DIAPH1: variants seen among roughly 807,000 people sequenced by gnomAD.
DIAPH1 encodes diaphanous related formin 1, also known as protein diaphanous homolog 1.
A neutral mutation model predicts 140.7 loss-of-function variants in DIAPH1; 46 were observed. That is an observed-to-expected ratio of 0.33 (90% CI 0.26 to 0.42). The LOEUF (loss-of-function observed/expected upper bound fraction) is 0.42, where lower values mean the gene tolerates loss of function less well. DIAPH1 is among the 10% of genes least tolerant of loss of function. The pLI is 1.00. For synonymous variants in DIAPH1, 565 were observed against 551.6 expected (o/e 1.02, Z -0.34); for missense variants, 1,310 against 1,558.7 (o/e 0.84, Z 2.69).
intron 18 of DIAPH1, among the ~76,000 whole-genome samples, chr5:141,553,986 GAAT>G (rs1353624415): frequency 4.6e-5 from 7 of 151,966 alleles, no homozygotes; most frequent in African/African-American, 1.5e-4. Flanking sequence ...GCATTAAGAG[GAAT>G]AATATCAGGC....
intron 4 of DIAPH1, 108 bp from the exon 5 acceptor site, chr5:141,583,723 C>G (rs1215235956): frequency 2.0e-6 from 3 of 1,482,416 alleles, no homozygotes; most frequent in East Asian, 4.6e-5. Context: ...TTATTTTTAG[C>G]AGAGACAAGG....
chr5:141,583,084 G>T, intron 6 of DIAPH1, 122 bp downstream of exon 6: 2 of 873,914 alleles, frequency 2.3e-6, no homozygotes, highest in Non-Finnish European at 3.9e-6. Context: ...CCCCTTCTTG[G>T]CTAACAGTAC....
At chr5:141,553,715 G>A (rs1482558305) in intron 18 of DIAPH1, among the ~76,000 whole-genome samples, 1 of 151,388 alleles carries the variant, frequency 6.6e-6, no homozygotes, top group Non-Finnish European at 1.5e-5. Context: ...AACTAAAGAG[G>A]TAAGTACCTA....
At chr5:141,528,122 T>C (rs2099887671) in intron 23 of DIAPH1, among the ~76,000 whole-genome samples, 1 of 152,194 alleles carries the variant, frequency 6.6e-6, no homozygotes, top group South Asian at 2.1e-4. Flanking sequence ...TTTGTCTAGT[T>C]CCAGGACAGT....
intron 1 of DIAPH1, among the ~76,000 whole-genome samples, chr5:141,599,533 C>T (rs2154597051): frequency 6.6e-6 from 1 of 152,298 alleles, no homozygotes; most frequent in African/African-American, 2.4e-5. Flanking sequence ...TCACTGCAAC[C>T]TCCACCTCCT....
intron 18 of DIAPH1, among the ~76,000 whole-genome samples, chr5:141,536,466 C>A (rs940255670): frequency 1.3e-5 from 2 of 152,180 alleles, no homozygotes; most frequent in Non-Finnish European, 2.9e-5. Context: ...GAGAAAGATT[C>A]TTGCCTTCAT....
chr5:141,586,923 C>A lies in DIAPH1; in HGVS notation c.300+119G>T, dbSNP rs1199051237. The A allele has an allele frequency of 8.5e-6, 9 of 1,059,234 alleles. No individual in the cohort carries two copies. The East Asian group carries it at 2.1e-4, about 25-fold the overall frequency. The allele number at this position is 1,059,234 out of a possible 1,614,324, so 65.6% of individuals were successfully genotyped here. A position where few individuals can be genotyped will look rare whatever the true frequency, so the allele number is the denominator to read the frequency against. On this transcript the variant is annotated intron_variant, in intron 3 of 27. Transcript: ENST00000389054. Reference sequence around the variant, plus strand: ...ATTAAAGGGTTAATATTAAAAAGTTCCATGTTAAGCCTGGAATTCTTTGTA... The same window carrying A: ...ATTAAAGGGTTAATATTAAAAAGTTACATGTTAAGCCTGGAATTCTTTGTA...
intron 1 of DIAPH1, among the ~76,000 whole-genome samples, chr5:141,599,847 G>C (rs2099899877): frequency 6.6e-6 from 1 of 152,120 alleles, no homozygotes. Flanking sequence ...CCTGTGATTA[G>C]ATTACATTTT....
At position 141,582,393 on chromosome 5, in the gene DIAPH1, A is replaced by G. The variant is rs372227402; in HGVS notation, c.621-18T>C. On this transcript the variant is annotated intron_variant, in intron 6 of 27. Coordinates refer to ENST00000389054, the MANE Select transcript of DIAPH1 (RefSeq NM_005219.5). ...CGTAACTCCTGTATATAGAAGACAT[A>G]ATCAGTGAGGTCCCTTTATTCTCTA... The G allele has an allele frequency of 1.9e-6, 3 of 1,586,482 alleles. No homozygotes were observed. Among genetic ancestry groups the G allele is most frequent in the Non-Finnish European group, 2.6e-6 (3 of 1,154,820 alleles).
chr5:141,518,831 G>C (rs1562276534), intron 27 of DIAPH1: 5 of 1,062,398 alleles, frequency 4.7e-6, no homozygotes. Context: ...CAAAGCCCAA[G>C]TCTTAACCAG....
intron 1 of DIAPH1, among the ~76,000 whole-genome samples, chr5:141,589,997 C>T (rs1596395211): frequency 1.3e-5 from 2 of 151,872 alleles, no homozygotes; most frequent in African/African-American, 4.8e-5. Flanking sequence ...GTGATCTGCC[C>T]GCCTCCGCCT....
chr5:141,554,970 C>G (rs2099892333), intron 18 of DIAPH1, among the ~76,000 whole-genome samples: 1 of 151,904 alleles, frequency 6.6e-6, no homozygotes, highest in Admixed American at 6.6e-5. Context: ...GGTGGAGGTT[C>G]AGTTGTAACT....
At chr5:141,606,941 A>G (rs1266845530) in intron 1 of DIAPH1, among the ~76,000 whole-genome samples, 3 of 151,668 alleles carry the variant, frequency 2.0e-5, no homozygotes, top group East Asian at 1.9e-4. Context: ...CTTGAAAATA[A>G]TCAAGATTCC....
rs566944542 is a variant in DIAPH1 at position 141,518,956 on chromosome 5, C to G, written c.3662-1948G>C. ...GCACACAGGTTACCAATTTAAAGGTCTCCTCCTCCTCCTCTACTTCCCAGG... is the reference window on the plus strand; with the variant it reads ...GCACACAGGTTACCAATTTAAAGGTGTCCTCCTCCTCCTCTACTTCCCAGG... On this transcript the variant is annotated intron_variant, in intron 27 of 27. Transcript: ENST00000389054. 5 of 1,519,394 alleles carry G rather than the reference C, an allele frequency of 3.3e-6. No homozygotes were observed. The South Asian group carries it at 6.0e-5, about 18-fold the overall frequency. 94.1% of individuals were successfully genotyped at this position (1,519,394 alleles called of 1,614,324 possible).
intron 1 of DIAPH1, among the ~76,000 whole-genome samples, chr5:141,602,273 G>C (rs1303349667): frequency 3.9e-5 from 6 of 152,102 alleles, no homozygotes; most frequent in Non-Finnish European, 1.5e-5. Context: ...CTGGAGTGCA[G>C]TGGCGCAATC....
chr5:141,528,740 C>T lies in DIAPH1; in HGVS notation c.2980G>A (p.Ala994Thr). 6.2e-7 allele frequency: 1 copy of T among 1,614,252 alleles called. No homozygotes were observed. The highest frequency in any genetic ancestry group is 8.5e-7 in the Non-Finnish European group (1 of 1,180,050). ...GNYMNAGSRN[A>T]GAFGFNISFL... ...CTGATATTGAAGCCAAAAGCACCAGCATTTCTGGAGCCAGCATTCATGTAA... is the reference window on the plus strand; with the variant it reads ...CTGATATTGAAGCCAAAAGCACCAGTATTTCTGGAGCCAGCATTCATGTAA... Residue 994 changes from alanine (A) to threonine (T), a missense_variant, in exon 22 of 28, where the codon GCT (alanine) becomes ACT (threonine). By Grantham distance (58) the Ala-to-Thr change is moderately conservative (BLOSUM62 0). Around this residue, in one of 3 missense-constraint regions of DIAPH1, gnomAD observed 344 missense variants for 512.2 expected, o/e 0.67. Coordinates refer to ENST00000389054, the MANE Select transcript of DIAPH1 (RefSeq NM_005219.5).
At chr5:141,591,695 G>GATAGAT (rs1554210985) in intron 1 of DIAPH1, among the ~76,000 whole-genome samples, 3 of 86,350 alleles carry the variant, frequency 3.5e-5, no homozygotes, top group African/African-American at 1.1e-4. Flanking sequence ...GGGAGATGGG[G>GATAGAT]ATATATATAT....
At chr5:141,593,137 T>G (rs1036676201) in intron 1 of DIAPH1, among the ~76,000 whole-genome samples, 1 of 152,248 alleles carries the variant, frequency 6.6e-6, no homozygotes, top group South Asian at 2.1e-4. Context: ...ACTTTAAGGA[T>G]CCTCAAAAGG....
At chr5:141,598,926 T>G (rs1296215325) in intron 1 of DIAPH1, among the ~76,000 whole-genome samples, 2 of 152,210 alleles carry the variant, frequency 1.3e-5, no homozygotes, top group African/African-American at 4.8e-5. Context: ...GCACAGAGGC[T>G]CCCTCTGTTT....
Sources: gnomAD v4.1 joint callset for allele counts (sites outside exome capture counted in the v4.1 genomes callset) on GRCh38, gnomAD v4.1.1 for gene constraint, gnomAD v4.1.1 regional missense constraint, MANE v1.5 for transcripts, NCBI Gene and HGNC (gene_info 2026-07-23, HGNC 2026-07-21) for gene names.